The following RAP2A variants were observed in gnomAD, a reference collection of about 807,000 sequenced individuals.
The protein encoded by RAP2A is ras-related protein Rap-2a.
Under a neutral mutation model 15.1 loss-of-function variants are expected in RAP2A, and 5 were observed. The ratio of observed to expected loss-of-function variants is 0.33; its 90% CI spans 0.17 to 0.70. RAP2A has a LOEUF of 0.70. Ranked by LOEUF, RAP2A falls within the 30% of genes least tolerant of loss-of-function variation. The pLI is 0.68. For synonymous variants in RAP2A, 110 were observed against 99.7 expected (o/e 1.10, Z -0.62); for missense variants, 111 against 240.3 (o/e 0.46, Z 3.56).
Position 97,455,911 on chromosome 13 carries a change from A to G in RAP2A, c.315-8294A>G, listed in dbSNP as rs150736925. On this transcript the variant is annotated intron_variant, in intron 1 of 1. Coordinates refer to ENST00000245304, the MANE Select transcript of RAP2A (RefSeq NM_021033.7). ...GAGTTTTAGCTTTCTGCACTGCCAC[A>G]CAGTTCTTGCAATTGGGGTCATCCT... 1.8e-3 allele frequency among the ~76,000 whole-genome samples: 280 copies of G among 151,492 alleles called. 11 individuals carry two copies. Among genetic ancestry groups the G allele is most frequent in the African/African-American group, 6.3e-3 (258 of 41,138 alleles).
chr13:97,450,364 C>T (rs2066697106), intron 1 of RAP2A, among the ~76,000 whole-genome samples: 1 of 151,982 alleles, frequency 6.6e-6, no homozygotes, highest in African/African-American at 2.4e-5. Context: ...AATAGTCAGG[C>T]CTGTTTTTTA....
At chr13:97,437,427 T>C (rs1594321347) in intron 1 of RAP2A, 1 of 152,166 alleles carries the variant, frequency 6.6e-6, no homozygotes, top group Non-Finnish European at 1.5e-5. Context: ...ATCTGTGAAA[T>C]AGAGATTAGC....
chr13:97,444,333 A>G (rs1352840757), intron 1 of RAP2A, among the ~76,000 whole-genome samples: 1 of 143,416 alleles, frequency 7.0e-6, no homozygotes, highest in African/African-American at 2.4e-5. Context: ...ATAAAAAGCA[A>G]TCAGCATATT....
chr13:97,459,902 A>G (rs1020137889), intron 1 of RAP2A, among the ~76,000 whole-genome samples: 2 of 152,254 alleles, frequency 1.3e-5, no homozygotes, highest in Non-Finnish European at 2.9e-5. Context: ...AATAGTGGCT[A>G]GCACTTAGTA....
chr13:97,438,758 G>A (rs2066644616), intron 1 of RAP2A, among the ~76,000 whole-genome samples: 1 of 152,116 alleles, frequency 6.6e-6, no homozygotes, highest in African/African-American at 2.4e-5. Flanking sequence ...AATTATTTGT[G>A]TGATAATTTA....
intron 1 of RAP2A, among the ~76,000 whole-genome samples, chr13:97,457,408 T>C (rs2066727641): frequency 6.6e-6 from 1 of 152,030 alleles, no homozygotes; most frequent in Non-Finnish European, 1.5e-5. Flanking sequence ...TACGGTACAG[T>C]TATAGTTTCT....
chr13:97,461,702 G>A (rs533281560), intron 1 of RAP2A, among the ~76,000 whole-genome samples: 6 of 151,966 alleles, frequency 3.9e-5, no homozygotes, highest in Non-Finnish European at 7.4e-5. Flanking sequence ...GGTGGCTCAC[G>A]CCTGTAATCC....
chr13:97,461,687 G>C (rs1232205671), intron 1 of RAP2A, among the ~76,000 whole-genome samples: 1 of 152,040 alleles, frequency 6.6e-6, no homozygotes, highest in Admixed American at 6.5e-5. Context: ...ATACAGGCTG[G>C]GTGCGGTGGC....
At chr13:97,453,356 A>G (rs1190294185) in intron 1 of RAP2A, among the ~76,000 whole-genome samples, 3 of 151,146 alleles carry the variant, frequency 2.0e-5, no homozygotes, top group South Asian at 4.2e-4. Context: ...TTATAGTCAC[A>G]CTTACTCCCC....
At chr13:97,455,076 T>G (rs2066717305) in intron 1 of RAP2A, among the ~76,000 whole-genome samples, 1 of 151,514 alleles carries the variant, frequency 6.6e-6, no homozygotes, top group African/African-American at 2.4e-5. Flanking sequence ...TTGATTATAC[T>G]GTGCTTTGAC....
intron 1 of RAP2A, among the ~76,000 whole-genome samples, chr13:97,443,742 T>C (rs2066667538): frequency 6.6e-6 from 1 of 152,212 alleles, no homozygotes; most frequent in Admixed American, 6.5e-5. Context: ...ATACTGTATG[T>C]ATTATAATTC....
At chr13:97,436,046 C>G (rs1014962911) in intron 1 of RAP2A, 1 of 152,276 alleles carries the variant, frequency 6.6e-6, no homozygotes, top group African/African-American at 2.4e-5. Flanking sequence ...AGAGAAGGCT[C>G]TCTCTCTATT....
chr13:97,436,315 T>G (rs2066634115), intron 1 of RAP2A: 1 of 152,172 alleles, frequency 6.6e-6, no homozygotes, highest in Non-Finnish European at 1.5e-5. Flanking sequence ...TTAAGTTACT[T>G]AAATTCTTAT....
chr13:97,464,259 G>C lies in RAP2A; in HGVS notation c.369G>C (p.Glu123Asp). Residue 123 changes from glutamate to aspartate, a missense_variant, in exon 2 of 2, where the codon GAG becomes GAC. Glu to Asp is a conservative substitution (Grantham distance 45). Around this residue, in one of 3 missense-constraint regions of RAP2A, gnomAD observed 74 missense variants for 132.3 expected, o/e 0.56. Transcript: ENST00000245304. ...GGAACAAAGTGGACCTGGAAAGTGAGAGAGAAGTATCGTCCAGCGAAGGCA... is the reference window on the plus strand; with the variant it reads ...GGAACAAAGTGGACCTGGAAAGTGACAGAGAAGTATCGTCCAGCGAAGGCA... ...LVGNKVDLES[E>D]REVSSSEGRA... 6.2e-7 allele frequency: 1 copy of C among 1,614,230 alleles called. No individual in the cohort carries two copies. The highest frequency in any genetic ancestry group is 1.3e-5 in the African/African-American group (1 of 75,070).
intron 1 of RAP2A, among the ~76,000 whole-genome samples, chr13:97,461,946 G>C (rs900993140): frequency 3.4e-5 from 5 of 146,182 alleles, no homozygotes; most frequent in African/African-American, 1.3e-4. Flanking sequence ...CTGGGAGACA[G>C]AGCGAGACTC....
intron 1 of RAP2A, among the ~76,000 whole-genome samples, chr13:97,435,176 A>G (rs2066627487): frequency 6.6e-6 from 1 of 152,214 alleles, no homozygotes; most frequent in African/African-American, 2.4e-5. Flanking sequence ...GCAATGTTTG[A>G]CAGTAAAAAT....
chr13:97,460,969 C>G (rs569624122), intron 1 of RAP2A, among the ~76,000 whole-genome samples: 2 of 152,276 alleles, frequency 1.3e-5, no homozygotes, highest in South Asian at 4.1e-4. Context: ...ATCAGTTTCT[C>G]CGGCTCCTTC....
chr13:97,434,497 G>C lies in RAP2A; in HGVS notation c.27G>C (p.Leu9=). The C allele has an allele frequency of 6.2e-7, 1 of 1,611,412 alleles. No individual in the cohort carries two copies. The highest frequency in any genetic ancestry group is 8.5e-7 in the Non-Finnish European group (1 of 1,178,548). ...TGCGCGAGTACAAAGTGGTGGTGCTGGGCTCGGGCGGGGTAGGCAAATCCG... is the reference window on the plus strand; with the variant it reads ...TGCGCGAGTACAAAGTGGTGGTGCTCGGCTCGGGCGGGGTAGGCAAATCCG... MREYKVVV[L]GSGGVGKSAL... Residue 9 remains leucine, a synonymous_variant, in exon 1 of 2, where the codon CTG becomes CTC. Transcript: ENST00000245304.
In RAP2A at chr13:97,464,692, T is replaced by C; in HGVS notation, c.*250T>C. The C allele has an allele frequency of 2.0e-6, 1 of 499,486 alleles. No homozygotes were observed. 30.9% of individuals were successfully genotyped at this position (499,486 alleles called of 1,614,324 possible). A position where few individuals can be genotyped will look rare whatever the true frequency, so the allele number is the denominator to read the frequency against. ...AACTTTAAGGCATAGTCCATCGATC[T>C]ACAGGGTGATCTCATTTGAAAGCTA... On this transcript the variant is annotated 3_prime_UTR_variant, in exon 2 of 2. Transcript: ENST00000245304.
Sources: allele counts gnomAD v4.1 joint callset (sites outside exome capture counted in the v4.1 genomes callset), GRCh38; gene constraint gnomAD v4.1.1; regional missense constraint gnomAD v4.1.1; transcripts MANE v1.5; gene names NCBI Gene and HGNC (gene_info 2026-07-23, HGNC 2026-07-21).